The following ATP9A variants were observed in gnomAD, a reference collection of about 807,000 sequenced individuals.
ATP9A encodes ATPase phospholipid transporting 9A.
ATP9A carries 52 observed loss-of-function variants against 144.1 expected under a neutral mutation model. That is an observed-to-expected ratio of 0.36 (90% confidence interval 0.29 to 0.45). ATP9A has a LOEUF of 0.45. Ranked by LOEUF, ATP9A falls within the 20% of genes least tolerant of loss-of-function variation. The pLI, the probability that ATP9A is intolerant of heterozygous loss-of-function variation, is 1.00. For missense variants in ATP9A, 947 were observed against 1,392.7 expected, an observed-to-expected ratio of 0.68 and a Z score of 5.09; for synonymous variants, 582 against 557.4, an observed-to-expected ratio of 1.04 and a Z score of -0.62.
At position 51,670,107 on chromosome 20, in the gene ATP9A, T is replaced by C. The variant is rs749501878; in HGVS notation, c.1183A>G (p.Thr395Ala). 6.2e-7 allele frequency: 1 copy of C among 1,612,656 alleles called. No individual in the cohort carries two copies. The highest frequency in any genetic ancestry group is 8.5e-7 in the Non-Finnish European group (1 of 1,178,880). Residue 395 changes from threonine to alanine, a missense_variant and splice_region_variant, in exon 13 of 28, where the codon ACT becomes GCT. Transcript: ENST00000338821. ...ISYLLTDKTG[T>A]LTQNEMIFKR... ...AAAATCATCTCGTTCTGGGTAAGAG[T>C]GCCTAAAACACAAGACAAATGAGTG... is the stretch of plus-strand genomic sequence containing the variant.
At chr20:51,744,475 T>C (rs1221740195) in intron 1 of ATP9A, among the ~76,000 whole-genome samples, 2 of 152,198 alleles carry the variant, frequency 1.3e-5, no homozygotes, top group African/African-American at 4.8e-5. Context: ...ACCATTTATA[T>C]AAAGGAAAAC....
intron 15 of ATP9A, among the ~76,000 whole-genome samples, chr20:51,634,608 C>A (rs1266956979): frequency 2.6e-5 from 4 of 152,098 alleles, no homozygotes; most frequent in African/African-American, 9.7e-5. Context: ...TGTATCCCAG[C>A]ACTTTGGGAG....
At chr20:51,632,442 A>C (rs962546891) in intron 15 of ATP9A, among the ~76,000 whole-genome samples, 1 of 152,192 alleles carries the variant, frequency 6.6e-6, no homozygotes. Flanking sequence ...ATTTGCATAG[A>C]GCATTTGGGT....
chr20:51,635,383 C>T lies in ATP9A; in HGVS notation c.1668+3960G>A, dbSNP rs7270639. On this transcript the variant is annotated intron_variant, in intron 15 of 27. Transcript: ENST00000338821. ...CTGTGAGAGACCCTGAGCCAGAGGA[C>T]CCAGCCAAGCCTGCCACAGAAATTG... Among the ~76,000 whole-genome samples the T allele has an allele frequency of 4.4e-3, 664 of 152,274 alleles. 6 individuals carry two copies. Among genetic ancestry groups the T allele is most frequent in the African/African-American group, 0.015 (612 of 41,548 alleles).
intron 1 of ATP9A, among the ~76,000 whole-genome samples, chr20:51,750,285 C>G (rs1203700577): frequency 6.6e-6 from 1 of 152,220 alleles, no homozygotes; most frequent in Non-Finnish European, 1.5e-5. Flanking sequence ...TCACCTCCCC[C>G]AGGCCTGGCA....
intron 15 of ATP9A, among the ~76,000 whole-genome samples, chr20:51,631,088 C>T (rs1474270925): frequency 5.3e-5 from 8 of 152,192 alleles, no homozygotes; most frequent in Admixed American, 2.0e-4. Flanking sequence ...GATTTGCCTG[C>T]CTTGTTCTTT....
chr20:51,731,254 T>C (rs996784247), intron 1 of ATP9A, among the ~76,000 whole-genome samples: 5 of 149,116 alleles, frequency 3.4e-5, no homozygotes, highest in East Asian at 2.1e-4. Context: ...CAGTGAGCTA[T>C]TGCCACTGCA....
At chr20:51,639,613 G>A (rs2077310197) in intron 14 of ATP9A, 109 bp from the exon 15 acceptor site, 1 of 1,183,728 alleles carries the variant, frequency 8.4e-7, no homozygotes, top group African/African-American at 1.5e-5. Context: ...GGGAATCACA[G>A]TAGTCACTGC....
At chr20:51,747,193 T>A (rs948259832) in intron 1 of ATP9A, among the ~76,000 whole-genome samples, 2 of 149,066 alleles carry the variant, frequency 1.3e-5, no homozygotes, top group African/African-American at 4.9e-5. Flanking sequence ...TCTGAACACA[T>A]CCCTGCCACA....
chr20:51,635,553 T>C (rs1601071440), intron 15 of ATP9A, among the ~76,000 whole-genome samples: 1 of 151,786 alleles, frequency 6.6e-6, no homozygotes, highest in South Asian at 2.1e-4. Context: ...GCCTGGGCAA[T>C]ATGGTGAGAC....
chr20:51,605,447 G>A (rs556319597), intron 26 of ATP9A, among the ~76,000 whole-genome samples: 40 of 152,172 alleles, frequency 2.6e-4, no homozygotes, highest in African/African-American at 8.2e-4. Flanking sequence ...GTGAAAGCCC[G>A]TCTCTACAAA....
At chr20:51,737,075 A>T (rs1051381261) in intron 1 of ATP9A, among the ~76,000 whole-genome samples, 2 of 152,298 alleles carry the variant, frequency 1.3e-5, no homozygotes, top group Admixed American at 1.3e-4. Context: ...GCCCAAAATC[A>T]TCTGCTACAT....
intron 8 of ATP9A, 118 bp from the exon 9 acceptor site, chr20:51,689,257 GC>G: frequency 9.7e-7 from 1 of 1,032,548 alleles, no homozygotes; most frequent in Non-Finnish European, 1.4e-6. Context: ...GAACCTGGAA[GC>G]CCAGTTTGGA....
chr20:51,641,438 G>A (rs1273043902), intron 14 of ATP9A, among the ~76,000 whole-genome samples: 10 of 151,894 alleles, frequency 6.6e-5, no homozygotes, highest in Admixed American at 5.3e-4. Context: ...GGAGGATCAC[G>A]ATCTGGGAGG....
intron 14 of ATP9A, among the ~76,000 whole-genome samples, chr20:51,650,941 G>C (rs4809861): frequency 2.0e-5 from 3 of 150,154 alleles, no homozygotes; most frequent in African/African-American, 7.4e-5. Context: ...GAACACAAGC[G>C]TAAGTCCTAC....
chr20:51,614,085 G>A (rs1224937560), intron 22 of ATP9A, among the ~76,000 whole-genome samples: 1 of 152,082 alleles, frequency 6.6e-6, no homozygotes, highest in Non-Finnish European at 1.5e-5. Flanking sequence ...AATACTTTGG[G>A]AGTTCAGCCC....
chr20:51,734,175 G>A (rs1223070187), intron 1 of ATP9A, among the ~76,000 whole-genome samples: 1 of 151,884 alleles, frequency 6.6e-6, no homozygotes, highest in African/African-American at 2.4e-5. Flanking sequence ...GTAGAGATGG[G>A]GTTTCACCAT....
In ATP9A at chr20:51,713,017, C is replaced by G. The variant is rs149707066; in HGVS notation, c.385G>C (p.Val129Leu). Residue 129 changes from valine (V) to leucine (L), a missense_variant, in exon 4 of 28, where the codon GTG becomes CTG. Physicochemically the swap from Val to Leu is conservative, Grantham distance 32. Coordinates refer to ENST00000338821, the MANE Select transcript of ATP9A (RefSeq NM_006045.3). ...TGGGAGTTGACTTCCTTGTCCCGCA[C>G]GTAGCATCGGATCTCCTCCACCGCC... ...REAVEEIRCY[V>L]RDKEVNSQVY... 6.2e-7 allele frequency: 1 copy of G among 1,613,308 alleles called. No homozygotes were observed. The highest frequency in any genetic ancestry group is 8.5e-7 in the Non-Finnish European group (1 of 1,179,720).
rs574908905 is a variant in ATP9A at position 51,629,145 on chromosome 20, T to C, written c.1669-73A>G. On this transcript the variant is annotated intron_variant, in intron 15 of 27. Coordinates refer to ENST00000338821, the MANE Select transcript of ATP9A (RefSeq NM_006045.3). ...TTTCAGCGGCAAAGCCCGCTTCCCATGACAGACAGTGTACAAAGTGCACTT... is the reference window on the plus strand; with the variant it reads ...TTTCAGCGGCAAAGCCCGCTTCCCACGACAGACAGTGTACAAAGTGCACTT... 2.7e-5 allele frequency: 33 copies of C among 1,236,162 alleles called. No homozygotes were observed. The African/African-American group carries it at 4.0e-4, about 15-fold the overall frequency. The allele number at this position is 1,236,162 out of a possible 1,614,324, so 76.6% of individuals were successfully genotyped here.
Sources: gnomAD v4.1 joint callset for allele counts (sites outside exome capture counted in the v4.1 genomes callset) on GRCh38, gnomAD v4.1.1 for gene constraint, MANE v1.5 for transcripts, NCBI Gene and HGNC (gene_info 2026-07-23, HGNC 2026-07-21) for gene names.